The following PDE11A variants were observed in gnomAD, a reference collection of about 807,000 sequenced individuals.
PDE11A encodes phosphodiesterase 11A.
A neutral mutation model predicts 100.5 loss-of-function variants in PDE11A; 100 were observed. The observed-to-expected ratio is 1.00, with a 90% CI of 0.85 to 1.18. The LOEUF (loss-of-function observed/expected upper bound fraction) is 1.18. PDE11A is among the 50% of genes most tolerant of loss of function. The probability of loss-of-function intolerance (pLI) is 0.00; values close to 1 mark genes in which losing one functional copy is unlikely to be tolerated. For synonymous variants in PDE11A, 381 were observed against 420.8 expected, an observed-to-expected ratio of 0.91 and a Z score of 1.16; for missense variants, 1,141 against 1,152.6, an observed-to-expected ratio of 0.99 and a Z score of 0.15.
At chr2:177,709,994 A>G (rs1001881710) in intron 13 of PDE11A, among the ~76,000 whole-genome samples, 2 of 152,108 alleles carry the variant, frequency 1.3e-5, no homozygotes, top group Non-Finnish European at 2.9e-5. Flanking sequence ...GAAGGAAAGA[A>G]GGAAATAGAA....
At chr2:177,635,135 T>C (rs1013928185) in intron 19 of PDE11A, among the ~76,000 whole-genome samples, 5 of 152,316 alleles carry the variant, frequency 3.3e-5, no homozygotes, top group Admixed American at 2.6e-4. Context: ...TAGTTTTTGA[T>C]TGTTCTGTTT....
intron 2 of PDE11A, among the ~76,000 whole-genome samples, chr2:178,099,189 G>T (rs867944872): frequency 6.6e-6 from 1 of 152,298 alleles, no homozygotes; most frequent in South Asian, 2.1e-4. Context: ...ACTTTGGGAG[G>T]CCGAGGCGGG....
chr2:177,700,963 A>G, intron 14 of PDE11A, 158 bp downstream of exon 14: 1 of 694,222 alleles, frequency 1.4e-6, no homozygotes, highest in South Asian at 1.5e-5. Flanking sequence ...TCAGGCATCT[A>G]TAGGAACAGA....
chr2:177,708,599 C>T (rs754684797), intron 13 of PDE11A, among the ~76,000 whole-genome samples: 98 of 152,094 alleles, frequency 6.4e-4, no homozygotes, highest in Non-Finnish European at 2.2e-4. Flanking sequence ...ATGTAACAAA[C>T]CTTCACATGT....
At chr2:177,747,083 A>C (rs952443566) in intron 10 of PDE11A, among the ~76,000 whole-genome samples, 6 of 152,318 alleles carry the variant, frequency 3.9e-5, no homozygotes, top group African/African-American at 9.6e-5. Context: ...AGAGGCCAGA[A>C]GTAGGAGTGT....
chr2:177,646,228 T>C (rs1310115982), intron 19 of PDE11A, among the ~76,000 whole-genome samples: 1 of 152,224 alleles, frequency 6.6e-6, no homozygotes, highest in Non-Finnish European at 1.5e-5. Flanking sequence ...GTGGGGACTA[T>C]GGCAAACTGG....
chr2:177,806,226 T>TCAA (rs55769970), intron 9 of PDE11A, among the ~76,000 whole-genome samples: 61,726 of 151,970 alleles, frequency 0.41, 14,374 homozygotes, highest in African/African-American at 0.64. Context: ...CACATGAATT[T>TCAA]GGCTGGAGTT....
chr2:177,675,420 T>C (rs1411721386), intron 17 of PDE11A, 35 bp downstream of exon 17: 5 of 1,522,286 alleles, frequency 3.3e-6, no homozygotes, highest in South Asian at 1.1e-5. Flanking sequence ...CCCCAGTCCC[T>C]CCTCTGCTGA....
intron 9 of PDE11A, among the ~76,000 whole-genome samples, chr2:177,787,053 C>G (rs904668083): frequency 7.0e-6 from 1 of 142,324 alleles, no homozygotes; most frequent in African/African-American, 2.7e-5. Context: ...CAAAGATACT[C>G]TTCGAGAAGA....
At chr2:177,636,010 G>A (rs539566653) in intron 19 of PDE11A, among the ~76,000 whole-genome samples, 1 of 152,094 alleles carries the variant, frequency 6.6e-6, no homozygotes, top group South Asian at 2.1e-4. Context: ...TAGGTGTGAA[G>A]TTTATCAGAG....
rs371179180 is a variant in PDE11A, at chr2:177,696,243, CAG to C, written c.2345+1087_2345+1088del. Among the ~76,000 whole-genome samples, 26 of 152,240 alleles carry C rather than the reference CAG, an allele frequency of 1.7e-4. No individual in the cohort carries two copies. The East Asian group carries it at 5.0e-3, about 29-fold the overall frequency. ...TGAGGAAGTTTGGAGTGAAGAATTT[CAG>C]AGTCTTCTACACACAGGTCATAACA... On this transcript the variant is annotated intron_variant, in intron 15 of 19. Coordinates refer to ENST00000286063, the MANE Select transcript of PDE11A (RefSeq NM_016953.4).
chr2:178,037,949 T>G (rs1327739651), intron 1 of PDE11A, among the ~76,000 whole-genome samples: 2 of 152,070 alleles, frequency 1.3e-5, no homozygotes, highest in African/African-American at 4.8e-5. Flanking sequence ...GATGACGGGT[T>G]GATAGGTGCA....
chr2:177,660,107 CTCTCTT>C (rs1283162668), intron 19 of PDE11A, among the ~76,000 whole-genome samples: 110 of 57,418 alleles, frequency 1.9e-3, no homozygotes, highest in African/African-American at 5.2e-3. Context: ...TTCTCTCTCT[CTCTCTT>C]TCTTTCTTTC....
At chr2:178,021,204 C>T (rs900828765) in intron 1 of PDE11A, among the ~76,000 whole-genome samples, 24 of 151,994 alleles carry the variant, frequency 1.6e-4, no homozygotes, top group Admixed American at 6.6e-5. Flanking sequence ...TCAAGTGATC[C>T]ACCTGCCTCG....
intron 2 of PDE11A, among the ~76,000 whole-genome samples, chr2:178,096,278 C>T (rs2087489668): frequency 2.0e-5 from 3 of 151,352 alleles, no homozygotes; most frequent in Admixed American, 2.0e-4. Flanking sequence ...ATTCTCCCGC[C>T]TCAGCCTCCA....
At chr2:177,937,393 C>T (rs2085288883) in intron 2 of PDE11A, among the ~76,000 whole-genome samples, 1 of 147,702 alleles carries the variant, frequency 6.8e-6, no homozygotes, top group African/African-American at 2.5e-5. Flanking sequence ...TCTCGGCTCA[C>T]TACAACCCCT....
At chr2:177,791,670 T>C (rs180681933) in intron 9 of PDE11A, among the ~76,000 whole-genome samples, 2 of 152,288 alleles carry the variant, frequency 1.3e-5, no homozygotes, top group Admixed American at 6.5e-5. Context: ...TTGTGTTTGA[T>C]AGATATGATC....
rs2079881335 is a variant in PDE11A at position 177,629,355 on chromosome 2, A to C, written c.*52T>G. 2 of 1,517,010 alleles carry C rather than the reference A, an allele frequency of 1.3e-6. No homozygotes were observed. The highest frequency in any genetic ancestry group is 1.7e-5 in the Admixed American group (1 of 59,920). 94.0% of individuals were successfully genotyped at this position (1,517,010 alleles called of 1,614,324 possible). ...ACAAAAGGATGACATTGCTGGACTG[A>C]AAATGGCCCTTCAGGCTGTAGTCAT... On this transcript the variant is annotated 3_prime_UTR_variant, in exon 20 of 20. Coordinates refer to ENST00000286063, the MANE Select transcript of PDE11A (RefSeq NM_016953.4).
chr2:177,886,064 T>A (rs2084425013), intron 4 of PDE11A, among the ~76,000 whole-genome samples: 1 of 152,194 alleles, frequency 6.6e-6, no homozygotes, highest in African/African-American at 2.4e-5. Flanking sequence ...TACATTCACT[T>A]TCCTTGACTA....
Sources: allele counts gnomAD v4.1 joint callset (sites outside exome capture counted in the v4.1 genomes callset), GRCh38; gene constraint gnomAD v4.1.1; transcripts MANE v1.5; gene names NCBI Gene and HGNC (gene_info 2026-07-23, HGNC 2026-07-21).